The following EFCAB5 variants were observed in gnomAD, a reference collection of about 807,000 sequenced individuals.
The protein encoded by EFCAB5 is EF-hand calcium binding domain 5, also known as EF-hand calcium-binding domain-containing protein 5.
In EFCAB5, 131 loss-of-function variants were observed where a neutral mutation model predicts 167.9. The ratio of observed to expected loss-of-function variants is 0.78; its 90% CI spans 0.68 to 0.90. EFCAB5 has a LOEUF of 0.90. EFCAB5 is among the 40% of genes least tolerant of loss of function. EFCAB5 has a pLI of 0.00. For missense variants in EFCAB5, 1,663 were observed against 1,745.2 expected (o/e 0.95, Z 0.84); for synonymous variants, 574 against 602.8 (o/e 0.95, Z 0.70).
At chr17:29,930,089 T>TGC (rs1376770186) in intron 1 of EFCAB5, 1 of 150,246 alleles carries the variant, frequency 6.7e-6, no homozygotes, top group Non-Finnish European at 1.4e-5. Flanking sequence ...GGGAAAGGGG[T>TGC]GCGGGGTGGG....
At chr17:29,993,349 G>T in intron 5 of EFCAB5, 28 bp downstream of exon 5, 1 of 1,594,408 alleles carries the variant, frequency 6.3e-7, no homozygotes, top group East Asian at 2.3e-5. Flanking sequence ...ATATGTGAAA[G>T]GTAGGTGGGG....
intron 21 of EFCAB5, 25 bp downstream of exon 21, chr17:30,092,182 T>A: frequency 6.3e-7 from 1 of 1,587,562 alleles, no homozygotes; most frequent in Non-Finnish European, 8.6e-7. Context: ...AAAAAGCACC[T>A]TTTAAATTGA....
chr17:30,092,551 C>A (rs1224008282), intron 21 of EFCAB5, among the ~76,000 whole-genome samples: 1 of 152,104 alleles, frequency 6.6e-6, no homozygotes, highest in Non-Finnish European at 1.5e-5. Context: ...CCACGCCCAG[C>A]TAATTTTCTG....
intron 7 of EFCAB5, among the ~76,000 whole-genome samples, chr17:30,016,112 T>C (rs772423515): frequency 2.0e-5 from 3 of 152,214 alleles, no homozygotes; most frequent in Non-Finnish European, 4.4e-5. Context: ...GTTCTTTATA[T>C]ATTCAATCCT....
intron 14 of EFCAB5, among the ~76,000 whole-genome samples, chr17:30,075,505 T>C (rs1308844488): frequency 2.0e-5 from 3 of 152,160 alleles, no homozygotes; most frequent in African/African-American, 7.2e-5. Flanking sequence ...CTCCTCACCC[T>C]GTTTAGGTTC....
chr17:30,039,547 T>A (rs994325038), intron 8 of EFCAB5, among the ~76,000 whole-genome samples: 2 of 152,176 alleles, frequency 1.3e-5, no homozygotes, highest in Non-Finnish European at 2.9e-5. Flanking sequence ...CTGCCACCCC[T>A]GCATCTTGCT....
At chr17:29,964,531 G>A (rs952120470) in intron 3 of EFCAB5, among the ~76,000 whole-genome samples, 6 of 152,158 alleles carry the variant, frequency 3.9e-5, no homozygotes, top group Admixed American at 2.0e-4. Context: ...CTGACCTCAT[G>A]ATCTGCCTGC....
chr17:29,967,681 T>TAC lies in EFCAB5; in HGVS notation c.191-1104_191-1103dup, dbSNP rs1302286477. Among the ~76,000 whole-genome samples the TAC allele has an allele frequency of 2.0e-5, 3 of 152,290 alleles. No individual in the cohort carries two copies. The East Asian group carries it at 5.8e-4, about 29-fold the overall frequency. ...GCGCATTTTTTAAATTTTAAAAACA[T>TAC]ACACACAACTTTTCCTGTCATTGCT... On this transcript the variant is annotated intron_variant, in intron 3 of 22. Transcript: ENST00000394835.
At chr17:30,029,082 TTTTATTATTACTAGATAATA>T (rs1308808640) in intron 7 of EFCAB5, among the ~76,000 whole-genome samples, 2 of 152,198 alleles carry the variant, frequency 1.3e-5, no homozygotes, top group African/African-American at 4.8e-5. Context: ...AATTTGTCAT[TTTTATTATTACTAGATAATA>T]AATGTGGCCT....
chr17:29,941,772 T>G lies in EFCAB5; in HGVS notation c.-25T>G. 6.3e-7 allele frequency: 1 copy of G among 1,588,050 alleles called. No homozygotes were observed. The highest frequency in any genetic ancestry group is 8.6e-7 in the Non-Finnish European group (1 of 1,163,504). On this transcript the variant is annotated 5_prime_UTR_variant, in exon 1 of 23. Transcript: ENST00000394835. ...GGTCTAGTAATATTCTTCTATACCA[T>G]TTGGTGATAACTTTTGGAGTCCAAA...
intron 3 of EFCAB5, among the ~76,000 whole-genome samples, chr17:29,952,552 A>G (rs2067533707): frequency 6.6e-6 from 1 of 152,214 alleles, no homozygotes. Context: ...CAGTTATATC[A>G]TAAGGTATTA....
At chr17:30,016,358 G>C (rs2151695403) in intron 7 of EFCAB5, among the ~76,000 whole-genome samples, 1 of 152,146 alleles carries the variant, frequency 6.6e-6, no homozygotes, top group African/African-American at 2.4e-5. Context: ...TCTTCTGAGA[G>C]TTTTATAGTT....
intron 7 of EFCAB5, among the ~76,000 whole-genome samples, chr17:30,004,346 G>A (rs2068730132): frequency 6.6e-6 from 1 of 152,160 alleles, no homozygotes; most frequent in Non-Finnish European, 1.5e-5. Context: ...CTGCCAGGTG[G>A]GCATAAAGAT....
intron 4 of EFCAB5, among the ~76,000 whole-genome samples, chr17:29,986,637 ATTTTT>A (rs911310972): frequency 5.0e-4 from 29 of 58,070 alleles, no homozygotes; most frequent in African/African-American, 2.0e-3. Context: ...GAGTATATTC[ATTTTT>A]TTTTTTTTTT....
chr17:30,042,846 A>G (rs1320804165), intron 8 of EFCAB5, among the ~76,000 whole-genome samples: 1 of 152,214 alleles, frequency 6.6e-6, no homozygotes, highest in Non-Finnish European at 1.5e-5. Context: ...ATAAAAGAAA[A>G]CCATACACTA....
intron 1 of EFCAB5, among the ~76,000 whole-genome samples, chr17:29,935,614 A>C (rs1423517340): frequency 6.6e-6 from 1 of 152,206 alleles, no homozygotes; most frequent in South Asian, 2.1e-4. Flanking sequence ...AAGAATTAAT[A>C]ACTAGATATA....
rs991516159 is a variant in EFCAB5, at chr17:30,053,448, A to G, written c.1494A>G (p.Thr498=). The G allele has an allele frequency of 1.7e-5, 27 of 1,613,936 alleles. No individual in the cohort carries two copies. The highest frequency in any genetic ancestry group is 2.1e-5 in the Non-Finnish European group (25 of 1,179,912). The change falls in exon 10 of 23, where the codon ACA becomes ACG. Residue 498 remains threonine, a synonymous_variant. Coordinates refer to ENST00000394835, the MANE Select transcript of EFCAB5 (RefSeq NM_198529.4). ...PDQPKLNEQR[T]STPSPNPPEQ... ...AACCTAAACTTAACGAACAGAGAACATCAACACCATCACCAAACCCGCCAG... is the reference window on the plus strand; with the variant it reads ...AACCTAAACTTAACGAACAGAGAACGTCAACACCATCACCAAACCCGCCAG...
intron 6 of EFCAB5, among the ~76,000 whole-genome samples, chr17:29,998,180 C>G (rs2068587187): frequency 6.6e-6 from 1 of 152,178 alleles, no homozygotes; most frequent in African/African-American, 2.4e-5. Context: ...TCTACCTGTT[C>G]TCACATTTTC....
chr17:30,069,238 A>G, intron 14 of EFCAB5: 1 of 1,544,380 alleles, frequency 6.5e-7, no homozygotes, highest in African/African-American at 1.4e-5. Flanking sequence ...AAGAACATCC[A>G]GAAAAGATTT....
Sources: gnomAD v4.1 joint callset for allele counts (sites outside exome capture counted in the v4.1 genomes callset) on GRCh38, gnomAD v4.1.1 for gene constraint, MANE v1.5 for transcripts, NCBI Gene and HGNC (gene_info 2026-07-23, HGNC 2026-07-21) for gene names.